Variants in SEL1L2 observed in about 807,000 individuals in gnomAD.
SEL1L2 encodes the protein protein sel-1 homolog 2.
In SEL1L2, 89 loss-of-function variants were observed where a neutral mutation model predicts 98.8. The observed-to-expected ratio is 0.90, with a 90% CI of 0.76 to 1.07. SEL1L2 has a LOEUF of 1.07. Ranked by LOEUF, SEL1L2 falls within the 50% of genes least tolerant of loss-of-function variation. The pLI is 0.00. For missense variants in SEL1L2, 788 were observed against 812.0 expected (o/e 0.97, Z 0.36); for synonymous variants, 262 against 278.5 (o/e 0.94, Z 0.59).
At chr20:13,889,968 G>A (rs1425061430) in intron 5 of SEL1L2, among the ~76,000 whole-genome samples, 1 of 152,120 alleles carries the variant, frequency 6.6e-6, no homozygotes, top group East Asian at 1.9e-4. Flanking sequence ...TCCCTCACAG[G>A]GACAATGATT....
At chr20:13,932,314 G>C (rs1269762941) in intron 2 of SEL1L2, among the ~76,000 whole-genome samples, 1 of 151,678 alleles carries the variant, frequency 6.6e-6, no homozygotes, top group South Asian at 2.1e-4. Context: ...CAGGAATTAA[G>C]GTAGAAAAAG....
chr20:13,937,253 A>G (rs6105190), intron 2 of SEL1L2, among the ~76,000 whole-genome samples: 23,049 of 152,146 alleles, frequency 0.15, 1,945 homozygotes, highest in Admixed American at 0.22. Context: ...TAGCAGTAAT[A>G]AGACAGCCAA....
At chr20:13,871,408 T>C (rs958644163) in intron 12 of SEL1L2, among the ~76,000 whole-genome samples, 1 of 152,210 alleles carries the variant, frequency 6.6e-6, no homozygotes, top group Non-Finnish European at 1.5e-5. Flanking sequence ...AGAGTGAACC[T>C]TGAAAGTGAC....
At chr20:13,934,127 C>A (rs1397325147) in intron 2 of SEL1L2, among the ~76,000 whole-genome samples, 1 of 150,198 alleles carries the variant, frequency 6.7e-6, no homozygotes, top group Non-Finnish European at 1.5e-5. Flanking sequence ...TCTTCCTACC[C>A]TTTCCCCCCA....
chr20:13,984,467 C>G (rs967417846), intron 1 of SEL1L2, among the ~76,000 whole-genome samples: 1 of 152,226 alleles, frequency 6.6e-6, no homozygotes. Context: ...AGTACTCTCT[C>G]ACCTTGGACT....
At position 13,986,799 on chromosome 20, in the gene SEL1L2, A is replaced by G. The variant is rs767669891; in HGVS notation, c.58+3678T>C. Among the ~76,000 whole-genome samples the G allele has an allele frequency of 1.3e-3, 192 of 152,270 alleles. 1 individual carries two copies. Among genetic ancestry groups the G allele is most frequent in the Middle Eastern group, 6.8e-3 (2 of 294 alleles). On this transcript the variant is annotated intron_variant, in intron 1 of 19. Transcript: ENST00000284951. Reference sequence around the variant, plus strand: ...TAATGAAATTAATAGGTCACATTGTATAGGTTGGTGCAAAAGTAATTGTGG... The same window carrying G: ...TAATGAAATTAATAGGTCACATTGTGTAGGTTGGTGCAAAAGTAATTGTGG...
chr20:13,970,969 A>G (rs1309186078), intron 1 of SEL1L2, among the ~76,000 whole-genome samples: 40 of 151,160 alleles, frequency 2.6e-4, no homozygotes, highest in Admixed American at 2.4e-3. Context: ...GCACGTTTCA[A>G]TTTTTTTCAA....
intron 5 of SEL1L2, among the ~76,000 whole-genome samples, chr20:13,906,225 A>C (rs896051700): frequency 6.6e-6 from 1 of 152,114 alleles, no homozygotes; most frequent in Non-Finnish European, 1.5e-5. Context: ...TTTTTAAGGA[A>C]CTGTTACAGT....
chr20:13,917,467 G>T (rs933320746), intron 4 of SEL1L2, among the ~76,000 whole-genome samples: 9 of 152,114 alleles, frequency 5.9e-5, no homozygotes, highest in Admixed American at 2.6e-4. Context: ...ATGTCTCACG[G>T]TATCACTGTG....
At chr20:13,973,906 A>G (rs1170477197) in intron 1 of SEL1L2, among the ~76,000 whole-genome samples, 1 of 152,116 alleles carries the variant, frequency 6.6e-6, no homozygotes, top group Non-Finnish European at 1.5e-5. Flanking sequence ...TCAGAGATAT[A>G]TATTTTTCTT....
intron 1 of SEL1L2, 147 bp from the exon 2 acceptor site, chr20:13,956,278 T>C (rs1399231110): frequency 1.3e-5 from 7 of 540,650 alleles, no homozygotes; most frequent in Non-Finnish European, 2.2e-5. Flanking sequence ...TTAGAGTTCC[T>C]AATAATGTGT....
chr20:13,932,096 C>T (rs1381067168), intron 2 of SEL1L2, among the ~76,000 whole-genome samples: 1 of 152,010 alleles, frequency 6.6e-6, no homozygotes, highest in Non-Finnish European at 1.5e-5. Context: ...TAATGTCAAT[C>T]GTGTTAGCTA....
chr20:13,934,821 G>A (rs570633105), intron 2 of SEL1L2, among the ~76,000 whole-genome samples: 198 of 151,674 alleles, frequency 1.3e-3, no homozygotes, highest in African/African-American at 4.7e-3. Flanking sequence ...GGAGTAAGCT[G>A]GTATCACATT....
intron 2 of SEL1L2, among the ~76,000 whole-genome samples, chr20:13,937,147 C>A (rs150564699): frequency 1.3e-5 from 2 of 152,324 alleles, no homozygotes; most frequent in African/African-American, 2.4e-5. Flanking sequence ...TGCTTCAAGG[C>A]CAAACTAAGG....
intron 5 of SEL1L2, among the ~76,000 whole-genome samples, chr20:13,894,701 T>C (rs2047347530): frequency 6.6e-6 from 1 of 152,214 alleles, no homozygotes; most frequent in African/African-American, 2.4e-5. Context: ...AAAAGGATCA[T>C]ACTGTTATGA....
intron 19 of SEL1L2, 174 bp downstream of exon 19, chr20:13,850,017 A>G: frequency 1.5e-6 from 1 of 660,416 alleles, no homozygotes; most frequent in South Asian, 1.9e-5. Flanking sequence ...GTGTCAACAC[A>G]TACTCAATAG....
intron 5 of SEL1L2, among the ~76,000 whole-genome samples, chr20:13,890,559 C>A (rs1568911253): frequency 6.6e-6 from 1 of 152,194 alleles, no homozygotes. Context: ...GGAGAGATAG[C>A]TGTTTTTTTA....
At chr20:13,894,002 C>T (rs1002356591) in intron 5 of SEL1L2, among the ~76,000 whole-genome samples, 2 of 152,076 alleles carry the variant, frequency 1.3e-5, no homozygotes, top group Admixed American at 6.6e-5. Flanking sequence ...CAACAAAACA[C>T]ACCAAAACTT....
intron 5 of SEL1L2, among the ~76,000 whole-genome samples, chr20:13,905,422 T>C (rs1227874240): frequency 1.3e-5 from 2 of 151,640 alleles, no homozygotes; most frequent in African/African-American, 4.8e-5. Context: ...CATGCCATTC[T>C]GCCTCAACCT....
Sources: gnomAD v4.1 joint callset for allele counts (sites outside exome capture counted in the v4.1 genomes callset) on GRCh38, gnomAD v4.1.1 for gene constraint, MANE v1.5 for transcripts, NCBI Gene and HGNC (gene_info 2026-07-23, HGNC 2026-07-21) for gene names.